The following ROBO2 variants were observed in gnomAD, a reference collection of about 807,000 sequenced individuals.
The protein encoded by ROBO2 is roundabout guidance receptor 2.
In ROBO2, 53 loss-of-function variants were observed where a neutral mutation model predicts 160.8. The observed-to-expected ratio is 0.33, with a 90% CI of 0.26 to 0.41. ROBO2 has a LOEUF of 0.41. ROBO2 is among the 10% of genes least tolerant of loss of function. The probability of loss-of-function intolerance (pLI) is 1.00; values close to 1 mark genes in which losing one functional copy is unlikely to be tolerated. For synonymous variants in ROBO2, 664 were observed against 611.7 expected (o/e 1.09, Z -1.26); for missense variants, 1,577 against 1,722.4 (o/e 0.92, Z 1.49).
At chr3:76,394,059 A>G (rs2077293126) in intron 2 of ROBO2, among the ~76,000 whole-genome samples, 1 of 152,122 alleles carries the variant, frequency 6.6e-6, no homozygotes, top group East Asian at 1.9e-4. Flanking sequence ...CAGCACACTG[A>G]TGGGTCTTGA....
intron 2 of ROBO2, among the ~76,000 whole-genome samples, chr3:76,915,541 G>A (rs2076247351): frequency 6.6e-6 from 1 of 151,668 alleles, no homozygotes; most frequent in Non-Finnish European, 1.5e-5. Context: ...GTGGTGGTGA[G>A]TGCCTGTAAC....
intron 2 of ROBO2, among the ~76,000 whole-genome samples, chr3:76,719,348 TGTTA>T (rs1308288828): frequency 1.3e-5 from 2 of 152,036 alleles, no homozygotes; most frequent in East Asian, 3.9e-4. Flanking sequence ...AATTTTAAAG[TGTTA>T]GTTAAATAGG....
intron 2 of ROBO2, among the ~76,000 whole-genome samples, chr3:76,355,459 T>A (rs2075104110): frequency 6.6e-6 from 1 of 151,866 alleles, no homozygotes. Flanking sequence ...GAAGGAAGTA[T>A]TCTGAAATCA....
intron 2 of ROBO2, among the ~76,000 whole-genome samples, chr3:77,144,048 G>A (rs746574073): frequency 6.6e-6 from 1 of 152,094 alleles, no homozygotes; most frequent in Non-Finnish European, 1.5e-5. Context: ...TGCATGATCC[G>A]ATCTTACCTT....
At chr3:76,685,271 T>C (rs2092661916) in intron 2 of ROBO2, among the ~76,000 whole-genome samples, 1 of 151,078 alleles carries the variant, frequency 6.6e-6, no homozygotes, top group South Asian at 2.1e-4. Flanking sequence ...ACAGTCGAGG[T>C]TTTGAAGCAC....
At chr3:76,659,885 A>T (rs887420432) in intron 2 of ROBO2, among the ~76,000 whole-genome samples, 3 of 152,172 alleles carry the variant, frequency 2.0e-5, no homozygotes, top group African/African-American at 7.2e-5. Flanking sequence ...TGAAGAAGCC[A>T]TTGTCAATAT....
chr3:77,634,769 C>A, intron 23 of ROBO2, 101 bp from the exon 25 acceptor site: 2 of 1,091,694 alleles, frequency 1.8e-6, no homozygotes, highest in Non-Finnish European at 2.8e-6. Flanking sequence ...TATGTTATCT[C>A]TAGGTAGATT....
At chr3:77,020,189 C>T (rs2062542426) in intron 2 of ROBO2, among the ~76,000 whole-genome samples, 1 of 152,070 alleles carries the variant, frequency 6.6e-6, no homozygotes. Flanking sequence ...ATTCACCTCA[C>T]CCTATACTAA....
At chr3:76,365,129 A>AAG (rs1170127144) in intron 2 of ROBO2, among the ~76,000 whole-genome samples, 10 of 152,154 alleles carry the variant, frequency 6.6e-5, no homozygotes, top group Middle Eastern at 3.4e-3. Flanking sequence ...CTAAAGTGAG[A>AAG]AGAGAGAGAG....
chr3:77,511,926 C>T (rs1034643779), intron 5 of ROBO2, among the ~76,000 whole-genome samples: 4 of 151,672 alleles, frequency 2.6e-5, no homozygotes, highest in Non-Finnish European at 5.9e-5. Flanking sequence ...AAAGGGTATC[C>T]GTCTCTCATA....
Position 76,179,131 on chromosome 3 carries a change from A to G in ROBO2, c.109+241529A>G, listed in dbSNP as rs1001362718. Among the ~76,000 whole-genome samples, 5 of 152,196 alleles carry G rather than the reference A, an allele frequency of 3.3e-5. No individual in the cohort carries two copies. The East Asian group carries it at 7.8e-4, about 24-fold the overall frequency. On this transcript the variant is annotated intron_variant, in intron 2 of 26. Transcript: ENST00000487694. Reference sequence around the variant, plus strand: ...GCAGCTCATTCGGAATTAATGAGACATATTAATTTGTCTCATTAATAATTA... The same window carrying G: ...GCAGCTCATTCGGAATTAATGAGACGTATTAATTTGTCTCATTAATAATTA...
intron 2 of ROBO2, among the ~76,000 whole-genome samples, chr3:76,997,003 T>C (rs2061051194): frequency 6.6e-6 from 1 of 152,182 alleles, no homozygotes; most frequent in African/African-American, 2.4e-5. Flanking sequence ...AAAAGAAGTA[T>C]TAAGACATAA....
intron 2 of ROBO2, among the ~76,000 whole-genome samples, chr3:76,637,046 T>C (rs2090380131): frequency 6.6e-6 from 1 of 151,910 alleles, no homozygotes; most frequent in Non-Finnish European, 1.5e-5. Context: ...AAGGAATAGA[T>C]AAGATGCCTT....
In ROBO2 at chr3:76,000,494, T is replaced by A. The variant is rs536193474; in HGVS notation, c.109+62892T>A. Among the ~76,000 whole-genome samples the A allele has an allele frequency of 8.2e-3, 1,230 of 149,952 alleles. 21 individuals are homozygous for A. Among genetic ancestry groups the A allele is most frequent in the African/African-American group, 0.025 (1,038 of 40,928 alleles). On this transcript the variant is annotated intron_variant, in intron 2 of 26. Transcript: ENST00000487694. ...TCCACCATGATTGTGCGCTTATTTTTTTTTTTTTTTTTTTGACGGACTCTC... is the reference window on the plus strand; with the variant it reads ...TCCACCATGATTGTGCGCTTATTTTATTTTTTTTTTTTTTGACGGACTCTC...
At chr3:76,455,671 C>T (rs1436275572) in intron 2 of ROBO2, among the ~76,000 whole-genome samples, 1 of 152,042 alleles carries the variant, frequency 6.6e-6, no homozygotes, top group Non-Finnish European at 1.5e-5. Flanking sequence ...ATTTAAAATT[C>T]CTGTACTTTT....
At chr3:76,819,266 A>G (rs928608473) in intron 2 of ROBO2, among the ~76,000 whole-genome samples, 3 of 152,104 alleles carry the variant, frequency 2.0e-5, no homozygotes, top group Non-Finnish European at 4.4e-5. Flanking sequence ...AGATCTGAAG[A>G]ATGAGAAGAG....
At chr3:75,966,344 A>G (rs1251389088) in intron 2 of ROBO2, among the ~76,000 whole-genome samples, 4 of 151,742 alleles carry the variant, frequency 2.6e-5, no homozygotes, top group Non-Finnish European at 5.9e-5. Context: ...TTCCCTATAC[A>G]ATAGTCACAG....
chr3:76,277,703 G>T (rs1708008079), intron 2 of ROBO2, among the ~76,000 whole-genome samples: 1 of 151,878 alleles, frequency 6.6e-6, no homozygotes, highest in East Asian at 1.9e-4. Flanking sequence ...TATATAGAAA[G>T]ATGCTCCTTG....
At chr3:76,406,733 A>G (rs757053162) in intron 2 of ROBO2, among the ~76,000 whole-genome samples, 8 of 152,036 alleles carry the variant, frequency 5.3e-5, no homozygotes, top group Middle Eastern at 3.4e-3. Context: ...AATTAAATTT[A>G]TGGTCCAAAA....
Sources: allele counts gnomAD v4.1 joint callset (sites outside exome capture counted in the v4.1 genomes callset), GRCh38; gene constraint gnomAD v4.1.1; transcripts MANE v1.5; gene names NCBI Gene and HGNC (gene_info 2026-07-23, HGNC 2026-07-21).